Variants in SLC7A14 observed in about 807,000 individuals in gnomAD.
SLC7A14 encodes the protein gamma-aminobutyric acid transporter SLC7A14.
A neutral mutation model predicts 60.2 loss-of-function variants in SLC7A14; 37 were observed. The observed-to-expected ratio is 0.61, with a 90% CI of 0.47 to 0.81. The LOEUF is 0.81. Ranked by LOEUF, SLC7A14 falls within the 30% of genes least tolerant of loss-of-function variation. SLC7A14 has a pLI of 0.00. For synonymous variants in SLC7A14, 399 were observed against 395.8 expected (o/e 1.01, Z -0.10); for missense variants, 886 against 982.7 (o/e 0.90, Z 1.32).
At chr3:170,481,965 T>C (rs1230339262) in intron 6 of SLC7A14, among the ~76,000 whole-genome samples, 1 of 152,194 alleles carries the variant, frequency 6.6e-6, no homozygotes, top group East Asian at 1.9e-4. Flanking sequence ...AGAATCATAG[T>C]AGGGTGAGGC....
Position 170,527,002 on chromosome 3 carries a change from G to T in SLC7A14, c.-66C>A. 1.1e-5 allele frequency: 17 copies of T among 1,500,954 alleles called. No homozygotes were observed. Among genetic ancestry groups the T allele is most frequent in the Non-Finnish European group, 1.5e-5 (17 of 1,116,002 alleles). The allele number at this position is 1,500,954 out of a possible 1,614,324, so 93.0% of individuals were successfully genotyped here. On this transcript the variant is annotated 5_prime_UTR_variant, in exon 2 of 8. Coordinates refer to ENST00000231706, the MANE Select transcript of SLC7A14 (RefSeq NM_020949.3). ...GGGGGCTACAAAGCCTTAGTGGATG[G>T]TTCTGGAACTCATCTAGTGAACAGG...
At chr3:170,562,053 C>A (rs1714669352) in intron 1 of SLC7A14, among the ~76,000 whole-genome samples, 1 of 152,174 alleles carries the variant, frequency 6.6e-6, no homozygotes, top group Non-Finnish European at 1.5e-5. Context: ...GGAATGTAAG[C>A]TACTACAGCC....
At chr3:170,562,011 G>A (rs1476511593) in intron 1 of SLC7A14, among the ~76,000 whole-genome samples, 8 of 152,158 alleles carry the variant, frequency 5.3e-5, no homozygotes, top group African/African-American at 1.7e-4. Flanking sequence ...GCATGGATGC[G>A]GTGAAAAGGA....
intron 1 of SLC7A14, among the ~76,000 whole-genome samples, chr3:170,564,096 A>G (rs938184234): frequency 6.6e-6 from 1 of 152,236 alleles, no homozygotes; most frequent in African/African-American, 2.4e-5. Flanking sequence ...TGTGACAAGT[A>G]TGGAGCACAG....
chr3:170,482,234 CTG>C (rs1711856138), intron 6 of SLC7A14, among the ~76,000 whole-genome samples: 1 of 152,206 alleles, frequency 6.6e-6, no homozygotes, highest in Non-Finnish European at 1.5e-5. Context: ...TCACACAAGA[CTG>C]TAAATGTGTT....
At chr3:170,560,881 G>A (rs1010162939) in intron 1 of SLC7A14, among the ~76,000 whole-genome samples, 25 of 152,164 alleles carry the variant, frequency 1.6e-4, no homozygotes, top group Admixed American at 1.6e-3. Context: ...GTGTCTTATA[G>A]TAACCACTTT....
intron 1 of SLC7A14, among the ~76,000 whole-genome samples, chr3:170,542,403 C>T (rs910118930): frequency 1.6e-4 from 25 of 152,182 alleles, no homozygotes; most frequent in African/African-American, 5.5e-4. Flanking sequence ...AAGCACCCAC[C>T]GGCACCAGGC....
At chr3:170,514,450 T>C (rs1407381797) in intron 2 of SLC7A14, among the ~76,000 whole-genome samples, 1 of 152,274 alleles carries the variant, frequency 6.6e-6, no homozygotes, top group East Asian at 1.9e-4. Flanking sequence ...TAAGTATCAC[T>C]TCTTCAGAAA....
At position 170,465,070 on chromosome 3, in the gene SLC7A14, G is replaced by A. The variant is rs1323905212; in HGVS notation, c.*1985C>T. On this transcript the variant is annotated 3_prime_UTR_variant, in exon 8 of 8. Coordinates refer to ENST00000231706, the MANE Select transcript of SLC7A14 (RefSeq NM_020949.3). ...CTGTATCTTTATGGTTAACTCTAGG[G>A]AAGAGAAAACATAGCATTGTCAAGC... 1 of 152,120 alleles carries A rather than the reference G, an allele frequency of 6.6e-6. No homozygotes were observed. Among genetic ancestry groups the A allele is most frequent in the Admixed American group, 6.5e-5 (1 of 15,274 alleles). The allele number at this position is 152,120 out of a possible 1,614,324, so 9.4% of individuals were successfully genotyped here.
At chr3:170,515,312 G>GCCC (rs202211117) in intron 2 of SLC7A14, among the ~76,000 whole-genome samples, 4 of 113,400 alleles carry the variant, frequency 3.5e-5, no homozygotes, top group African/African-American at 1.2e-4. Flanking sequence ...GACTCTGTCC[G>GCCC]CCCCCCCCAA....
chr3:170,486,338 C>T lies in SLC7A14; in HGVS notation c.790G>A (p.Ala264Thr), dbSNP rs377481016. The T allele has an allele frequency of 9.9e-6, 16 of 1,614,104 alleles. No homozygotes were observed. The highest frequency in any genetic ancestry group is 5.0e-5 in the Admixed American group (3 of 60,010). Reference sequence around the variant, plus strand: ...GCGATGATGTCAAAGCCAATGAAAGCGTAGAAGCATGTTGCTGCTCCTTGC... The same window carrying T: ...GCGATGATGTCAAAGCCAATGAAAGTGTAGAAGCATGTTGCTGCTCCTTGC... ...VLQGAATCFY[A>T]FIGFDIIATT... The change falls in exon 5 of 8, where the codon GCT (alanine) becomes ACT (threonine). Residue 264 changes from alanine (A) to threonine (T), a missense_variant. Physicochemically the swap from Ala to Thr is moderately conservative, Grantham distance 58. Transcript: ENST00000231706.
intron 4 of SLC7A14, chr3:170,496,301 G>C (rs1712390423): frequency 9.9e-7 from 1 of 1,008,918 alleles, no homozygotes; most frequent in Non-Finnish European, 1.6e-6. Flanking sequence ...CAGAGCTGCA[G>C]ACGCTGGCTG....
chr3:170,462,175 T>G lies in SLC7A14; in HGVS notation c.*4880A>C, dbSNP rs757158010. 2 of 152,212 alleles carry G rather than the reference T, an allele frequency of 1.3e-5. No homozygotes were observed. Among genetic ancestry groups the G allele is most frequent in the Non-Finnish European group, 2.9e-5 (2 of 68,036 alleles). The allele number at this position is 152,212 out of a possible 1,614,324, so 9.4% of individuals were successfully genotyped here. ...CCTCCGCGGACTTTCCTCTGACATC[T>G]TGGGCCCCTGGTAAAACCTAGTGCG... is the stretch of plus-strand genomic sequence containing the variant. On this transcript the variant is annotated 3_prime_UTR_variant, in exon 8 of 8. Coordinates refer to ENST00000231706, the MANE Select transcript of SLC7A14 (RefSeq NM_020949.3).
At chr3:170,517,869 AGGGTGTC>A (rs1713217070) in intron 2 of SLC7A14, among the ~76,000 whole-genome samples, 1 of 152,232 alleles carries the variant, frequency 6.6e-6, no homozygotes, top group Non-Finnish European at 1.5e-5. Flanking sequence ...TCATAAACTA[AGGGTGTC>A]GAGAAAAATA....
At chr3:170,554,202 C>T (rs923300324) in intron 1 of SLC7A14, among the ~76,000 whole-genome samples, 3 of 152,172 alleles carry the variant, frequency 2.0e-5, no homozygotes, top group Non-Finnish European at 4.4e-5. Context: ...CTTTTCTGTC[C>T]GGGAACCATG....
intron 3 of SLC7A14, among the ~76,000 whole-genome samples, chr3:170,500,144 G>A (rs1388335887): frequency 2.0e-4 from 31 of 152,044 alleles, no homozygotes; most frequent in Admixed American, 2.0e-3. Context: ...AGTTTATCAG[G>A]CATCAAGATG....
In SLC7A14 at chr3:170,467,150, C is replaced by T. The variant is rs773800039; in HGVS notation, c.2221G>A (p.Gly741Ser). 2.5e-5 allele frequency: 41 copies of T among 1,614,150 alleles called. No individual in the cohort carries two copies. The highest frequency in any genetic ancestry group is 8.0e-5 in the African/African-American group (6 of 74,958). The change falls in exon 8 of 8, where the codon GGC (glycine) becomes AGC (serine). Residue 741 changes from glycine to serine, a missense_variant. Physicochemically the swap from Gly to Ser is moderately conservative, Grantham distance 56. Transcript: ENST00000231706. The part of the protein sequence containing the change: ...YQQMSDAKAN[G>S]RTSSKAKSKS... Reference sequence around the variant, plus strand: ...CTCTTCGCTTTGCTACTTGTCCGGCCGTTTGCCTTCGCATCTGACATCTGT... The same window carrying T: ...CTCTTCGCTTTGCTACTTGTCCGGCTGTTTGCCTTCGCATCTGACATCTGT...
intron 1 of SLC7A14, among the ~76,000 whole-genome samples, chr3:170,572,282 A>T (rs1714979683): frequency 2.0e-5 from 3 of 152,182 alleles, no homozygotes; most frequent in Admixed American, 2.0e-4. Context: ...GATGGTGAGG[A>T]TCATGGTGTC....
intron 2 of SLC7A14, among the ~76,000 whole-genome samples, chr3:170,515,625 G>T (rs191315201): frequency 2.1e-4 from 31 of 147,824 alleles, no homozygotes; most frequent in African/African-American, 7.3e-4. Context: ...GATGTGTGTT[G>T]GGGTGGGGGG....
Sources: gnomAD v4.1 joint callset for allele counts (sites outside exome capture counted in the v4.1 genomes callset) on GRCh38, gnomAD v4.1.1 for gene constraint, MANE v1.5 for transcripts, NCBI Gene and HGNC (gene_info 2026-07-23, HGNC 2026-07-21) for gene names.